CPQ: variants seen among roughly 807,000 people sequenced by gnomAD.
CPQ encodes carboxypeptidase Q.
Under a neutral mutation model 45.7 loss-of-function variants are expected in CPQ, and 37 were observed. That is an observed-to-expected ratio of 0.81 (90% CI 0.62 to 1.07). CPQ has a LOEUF of 1.07. CPQ is among the 50% of genes least tolerant of loss of function. CPQ has a pLI of 0.00. For synonymous variants in CPQ, 186 were observed against 205.8 expected (o/e 0.90, Z 0.82); for missense variants, 537 against 572.9 (o/e 0.94, Z 0.64).
intron 2 of CPQ, among the ~76,000 whole-genome samples, chr8:96,811,130 T>C (rs1811156248): frequency 1.3e-5 from 2 of 152,312 alleles, no homozygotes; most frequent in Middle Eastern, 3.4e-3. Context: ...ATGTCTTCAT[T>C]TGGAACTTCA....
chr8:96,761,419 A>T (rs1021759839), intron 1 of CPQ: 2 of 152,156 alleles, frequency 1.3e-5, no homozygotes, highest in Non-Finnish European at 2.9e-5. Context: ...TCCTGGATTG[A>T]TTTCTCTAAT....
intron 2 of CPQ, among the ~76,000 whole-genome samples, chr8:96,819,960 C>T (rs376230800): frequency 6.6e-6 from 1 of 152,062 alleles, no homozygotes; most frequent in East Asian, 1.9e-4. Flanking sequence ...GGTTTTGGCA[C>T]CCATCAAGTG....
chr8:96,850,753 G>A (rs1449337209), intron 3 of CPQ, among the ~76,000 whole-genome samples: 1 of 152,014 alleles, frequency 6.6e-6, no homozygotes, highest in Non-Finnish European at 1.5e-5. Flanking sequence ...GGGATTACAG[G>A]CATGTGCCAC....
intron 3 of CPQ, among the ~76,000 whole-genome samples, chr8:96,840,618 A>G (rs895696547): frequency 6.6e-6 from 1 of 152,188 alleles, no homozygotes; most frequent in Non-Finnish European, 1.5e-5. Context: ...CAATTTGGCC[A>G]TTGTGCATAG....
At chr8:96,652,930 G>A (rs986451095) in intron 1 of CPQ, among the ~76,000 whole-genome samples, 1 of 152,048 alleles carries the variant, frequency 6.6e-6, no homozygotes, top group African/African-American at 2.4e-5. Flanking sequence ...CACCGCACCC[G>A]GCCCCAGAAT....
intron 6 of CPQ, among the ~76,000 whole-genome samples, chr8:97,033,414 A>C (rs543397803): frequency 1.3e-5 from 2 of 152,340 alleles, no homozygotes; most frequent in Non-Finnish European, 2.9e-5. Context: ...AATATTAACT[A>C]TCTGGGTCTT....
At chr8:97,088,016 T>C (rs939473092) in intron 7 of CPQ, among the ~76,000 whole-genome samples, 3 of 152,138 alleles carry the variant, frequency 2.0e-5, no homozygotes, top group African/African-American at 7.2e-5. Flanking sequence ...AATTATTATA[T>C]CCAAAGAGAG....
intron 1 of CPQ, among the ~76,000 whole-genome samples, chr8:96,664,592 G>A (rs1307374617): frequency 4.6e-5 from 7 of 152,220 alleles, no homozygotes; most frequent in African/African-American, 1.7e-4. Flanking sequence ...TTTTGGGAAT[G>A]TAGATGATGG....
At chr8:96,796,987 G>A (rs1430505366) in intron 2 of CPQ, among the ~76,000 whole-genome samples, 1 of 152,200 alleles carries the variant, frequency 6.6e-6, no homozygotes, top group East Asian at 1.9e-4. Context: ...CACTGGGTAA[G>A]CTAATGATGC....
At chr8:96,926,576 C>CTCCTCTTCTTCTTCT (rs1812882597) in intron 4 of CPQ, among the ~76,000 whole-genome samples, 2 of 74,976 alleles carry the variant, frequency 2.7e-5, no homozygotes, top group Non-Finnish European at 4.9e-5. Flanking sequence ...CTTCCTCTTC[C>CTCCTCTTCTTCTTCT]TCTTCTTCTT....
At chr8:97,073,811 T>C (rs898267578) in intron 7 of CPQ, among the ~76,000 whole-genome samples, 4 of 152,152 alleles carry the variant, frequency 2.6e-5, no homozygotes, top group Non-Finnish European at 5.9e-5. Context: ...ATACAGAGAA[T>C]TATAGTAGGT....
At chr8:97,041,163 G>T (rs947642090) in intron 6 of CPQ, among the ~76,000 whole-genome samples, 1 of 152,150 alleles carries the variant, frequency 6.6e-6, no homozygotes, top group Non-Finnish European at 1.5e-5. Flanking sequence ...ATTTCATTGA[G>T]CAGGGGTTTG....
intron 7 of CPQ, among the ~76,000 whole-genome samples, chr8:97,090,705 C>T (rs1415892719): frequency 6.6e-6 from 1 of 152,116 alleles, no homozygotes; most frequent in Non-Finnish European, 1.5e-5. Flanking sequence ...AAAACTCTTC[C>T]CAATAATGAG....
intron 5 of CPQ, among the ~76,000 whole-genome samples, chr8:96,981,951 G>C (rs1466882804): frequency 6.6e-6 from 1 of 152,188 alleles, no homozygotes; most frequent in Non-Finnish European, 1.5e-5. Context: ...AAACTAGATG[G>C]TAACATGCTT....
intron 7 of CPQ, among the ~76,000 whole-genome samples, chr8:97,124,072 A>G (rs1811802519): frequency 6.6e-6 from 1 of 151,924 alleles, no homozygotes; most frequent in Non-Finnish European, 1.5e-5. Flanking sequence ...AAAGAAAAAC[A>G]AAAATTAGAT....
intron 6 of CPQ, among the ~76,000 whole-genome samples, chr8:97,032,142 C>T (rs1158541232): frequency 6.6e-6 from 1 of 152,192 alleles, no homozygotes; most frequent in Non-Finnish European, 1.5e-5. Flanking sequence ...GAGAGATCAT[C>T]TGTTCCAAAT....
chr8:96,867,567 A>G (rs976369039), intron 3 of CPQ, among the ~76,000 whole-genome samples: 7 of 152,000 alleles, frequency 4.6e-5, no homozygotes, highest in Non-Finnish European at 8.8e-5. Context: ...CAACTTGGAA[A>G]ATGTAGAAAA....
intron 1 of CPQ, among the ~76,000 whole-genome samples, chr8:96,655,084 A>C (rs1815623014): frequency 6.6e-6 from 1 of 151,960 alleles, no homozygotes; most frequent in African/African-American, 2.4e-5. Flanking sequence ...GTTTTATTTA[A>C]GATCATCTTG....
chr8:96,746,808 A>G (rs562076395), intron 1 of CPQ, among the ~76,000 whole-genome samples: 20 of 152,344 alleles, frequency 1.3e-4, no homozygotes, highest in Non-Finnish European at 2.5e-4. Context: ...AGACCTCATT[A>G]TAGCCTTTGG....
Sources: allele counts gnomAD v4.1 joint callset (sites outside exome capture counted in the v4.1 genomes callset), GRCh38; gene constraint gnomAD v4.1.1; transcripts MANE v1.5; gene names NCBI Gene and HGNC (gene_info 2026-07-23, HGNC 2026-07-21).